C13orf46: variants seen among roughly 807,000 people sequenced by gnomAD.
The protein encoded by C13orf46 is chromosome 13 open reading frame 46.
At chr13:113,937,888 C>T in the C13orf46 span, among the ~76,000 whole-genome samples, 6 of 152,144 alleles carry the variant, frequency 3.9e-5, no homozygotes, top group South Asian at 4.2e-4. Flanking sequence ...CAGCTGTGTG[C>T]GTTTGTCTCA....
At chr13:113,961,664 C>A (rs908038245) in intron 6 of C13orf46, among the ~76,000 whole-genome samples, 8 of 152,056 alleles carry the variant, frequency 5.3e-5, no homozygotes, top group African/African-American at 1.4e-4. Context: ...ATATTAAGAG[C>A]ACAATTAATG....
chr13:113,963,135 C>T (rs1008423783), intron 6 of C13orf46, among the ~76,000 whole-genome samples: 6 of 152,158 alleles, frequency 3.9e-5, no homozygotes, highest in African/African-American at 9.7e-5. Context: ...GCAAGGATGC[C>T]GCTTGGCAGG....
At chr13:113,963,019 T>C (rs1164351463) in intron 6 of C13orf46, among the ~76,000 whole-genome samples, 3 of 152,144 alleles carry the variant, frequency 2.0e-5, no homozygotes, top group East Asian at 3.9e-4. Flanking sequence ...CATAAAAATC[T>C]GAGAGCAGGT....
At chr13:113,935,095 G>A in the C13orf46 span, among the ~76,000 whole-genome samples, 3 of 152,218 alleles carry the variant, frequency 2.0e-5, no homozygotes, top group Admixed American at 6.5e-5. Context: ...GACGTTACAA[G>A]CCACTTCAGA....
At chr13:113,932,475 A>G in the C13orf46 span, among the ~76,000 whole-genome samples, 1 of 152,222 alleles carries the variant, frequency 6.6e-6, no homozygotes, top group African/African-American at 2.4e-5. Flanking sequence ...CCTAAGGACT[A>G]AATGGTTGTC....
At chr13:113,931,094 C>T in the C13orf46 span, among the ~76,000 whole-genome samples, 1 of 152,220 alleles carries the variant, frequency 6.6e-6, no homozygotes, top group Admixed American at 6.5e-5. Context: ...GCCACGTGTG[C>T]AACAAACAGG....
the C13orf46 span, among the ~76,000 whole-genome samples, chr13:113,944,410 G>C: frequency 1.7e-4 from 26 of 152,244 alleles, no homozygotes; most frequent in Admixed American, 1.4e-3. Context: ...GGGCTTCCTT[G>C]CTGGGTTACC....
At chr13:113,945,443 G>A in the C13orf46 span, among the ~76,000 whole-genome samples, 1 of 152,020 alleles carries the variant, frequency 6.6e-6, no homozygotes, top group Admixed American at 6.6e-5. Flanking sequence ...TACTCAGGAG[G>A]CTGAGGCAGG....
chr13:113,969,941 A>C (rs926277379), intron 2 of C13orf46, among the ~76,000 whole-genome samples: 9 of 152,174 alleles, frequency 5.9e-5, no homozygotes, highest in African/African-American at 2.2e-4. Flanking sequence ...CCACCCCGCT[A>C]CAGGTGGGTC....
chr13:113,946,120 T>G, the C13orf46 span, among the ~76,000 whole-genome samples: 1 of 152,198 alleles, frequency 6.6e-6, no homozygotes. Context: ...ATTGCTATTG[T>G]ACGAGGTATC....
At chr13:113,937,503 C>T in the C13orf46 span, among the ~76,000 whole-genome samples, 5 of 152,150 alleles carry the variant, frequency 3.3e-5, no homozygotes, top group African/African-American at 1.2e-4. Flanking sequence ...ATGAACATCT[C>T]AGTAGCGTTG....
chr13:113,965,968 ATGT>A lies in C13orf46; in HGVS notation c.505-977_505-975del, dbSNP rs1370138252. Among the ~76,000 whole-genome samples, 14 of 115,826 alleles carry A rather than the reference ATGT, an allele frequency of 1.2e-4. 1 individual carries two copies. The East Asian group carries it at 1.8e-3, about 15-fold the overall frequency. The allele number at this position is 115,826 out of a possible 152,430, so 76.0% of individuals were successfully genotyped here. A position where few individuals can be genotyped will look rare whatever the true frequency, so the allele number is the denominator to read the frequency against. On this transcript the variant is annotated intron_variant, in intron 5 of 6. Transcript: ENST00000636427. ...GATGATGATGGTGATGGTGATTATA[ATGT>A]TGGTGATGATGGTGACAGTGATAGT...
chr13:113,972,815 C>A (rs2052722944), intron 1 of C13orf46, among the ~76,000 whole-genome samples: 1 of 152,180 alleles, frequency 6.6e-6, no homozygotes, highest in African/African-American at 2.4e-5. Flanking sequence ...TGGCTATGAT[C>A]CTCCCTTCAG....
intron 5 of C13orf46, among the ~76,000 whole-genome samples, chr13:113,965,659 ATGG>A (rs2052628821): frequency 6.7e-6 from 1 of 150,254 alleles, no homozygotes; most frequent in Non-Finnish European, 1.5e-5. Flanking sequence ...GACAATGATG[ATGG>A]TGATTATAAT....
At chr13:113,952,817 C>A (rs928846665), downstream of C13orf46, among the ~76,000 whole-genome samples, 7 of 152,354 alleles carry the variant, frequency 4.6e-5, no homozygotes, top group East Asian at 5.8e-4. Flanking sequence ...TCGACCCCAG[C>A]GCTGCTGCCT....
intron 5 of C13orf46, among the ~76,000 whole-genome samples, chr13:113,965,651 CAA>C (rs1489188520): frequency 6.7e-6 from 1 of 149,824 alleles, no homozygotes; most frequent in Non-Finnish European, 1.5e-5. Context: ...ATGATTGTGA[CAA>C]TGATGATGGT....
downstream of C13orf46, among the ~76,000 whole-genome samples, chr13:113,953,390 TCTC>T (rs2052497255): frequency 6.6e-6 from 1 of 151,942 alleles, no homozygotes; most frequent in African/African-American, 2.4e-5. Flanking sequence ...AACAATCACC[TCTC>T]CGGGGTCCCA....
intron 6 of C13orf46, among the ~76,000 whole-genome samples, chr13:113,964,353 A>AGGGCCTC (rs1486860776): frequency 1.3e-5 from 2 of 152,128 alleles, no homozygotes; most frequent in Non-Finnish European, 2.9e-5. Flanking sequence ...ACCCATCTTC[A>AGGGCCTC]GGGCCTCGGG....
chr13:113,936,017 A>G, the C13orf46 span, among the ~76,000 whole-genome samples: 1 of 152,234 alleles, frequency 6.6e-6, no homozygotes, highest in African/African-American at 2.4e-5. Flanking sequence ...ATTAAGTTCA[A>G]AGTTCTCTAG....
Sources: gnomAD v4.1 joint callset for allele counts (sites outside exome capture counted in the v4.1 genomes callset) on GRCh38, gnomAD v4.1.1 for gene constraint, MANE v1.5 for transcripts, NCBI Gene and HGNC (gene_info 2026-07-23, HGNC 2026-07-21) for gene names.